SPATS2: variants seen among roughly 807,000 people sequenced by gnomAD.
SPATS2 encodes the protein spermatogenesis associated serine rich 2, also known as spermatogenesis-associated serine-rich protein 2.
SPATS2 carries 38 observed loss-of-function variants against 63.7 expected under a neutral mutation model. That is an observed-to-expected ratio of 0.60 (90% CI 0.46 to 0.78). The LOEUF is 0.78. Ranked by LOEUF, SPATS2 falls within the 30% of genes least tolerant of loss-of-function variation. The pLI is 0.00. For missense variants in SPATS2, 588 were observed against 666.2 expected, an observed-to-expected ratio of 0.88 and a Z score of 1.29; for synonymous variants, 207 against 232.9, an observed-to-expected ratio of 0.89 and a Z score of 1.01.
At chr12:49,460,009 G>A (rs1044308703) in intron 2 of SPATS2, among the ~76,000 whole-genome samples, 1 of 151,574 alleles carries the variant, frequency 6.6e-6, no homozygotes, top group Non-Finnish European at 1.5e-5. Flanking sequence ...TTGGGAGGCC[G>A]AGGCAGGAGA....
At chr12:49,472,702 A>G (rs140584522) in intron 3 of SPATS2, among the ~76,000 whole-genome samples, 63 of 150,332 alleles carry the variant, frequency 4.2e-4, no homozygotes, top group African/African-American at 1.5e-3. Context: ...AACCCTAATG[A>G]AATAACTGTA....
intron 2 of SPATS2, among the ~76,000 whole-genome samples, chr12:49,392,990 T>G (rs1944445511): frequency 6.6e-6 from 1 of 152,112 alleles, no homozygotes; most frequent in Admixed American, 6.6e-5. Context: ...GGGCGGAGGT[T>G]GTAGTGAGCA....
At chr12:49,465,765 G>A (rs534941094) in intron 3 of SPATS2, among the ~76,000 whole-genome samples, 13 of 152,246 alleles carry the variant, frequency 8.5e-5, no homozygotes, top group Middle Eastern at 6.8e-3. Flanking sequence ...CCAACCTGGC[G>A]AAACCCTGTC....
chr12:49,475,563 C>G lies in SPATS2; in HGVS notation c.26-9027C>G, dbSNP rs572378486. On this transcript the variant is annotated intron_variant, in intron 3 of 13. Transcript: ENST00000552918. Reference sequence around the variant, plus strand: ...TCAAGCAGTTCCCCTGCCTCAGCCTCCCGAGTAGCTGGGATTACAGGTGCA... The same window carrying G: ...TCAAGCAGTTCCCCTGCCTCAGCCTGCCGAGTAGCTGGGATTACAGGTGCA... Among the ~76,000 whole-genome samples the G allele has an allele frequency of 3.3e-5, 5 of 152,250 alleles. No individual in the cohort carries two copies. In the South Asian group the frequency reaches 8.3e-4, roughly 25 times the overall value.
At chr12:49,470,397 G>T (rs1029430997) in intron 3 of SPATS2, among the ~76,000 whole-genome samples, 2 of 152,110 alleles carry the variant, frequency 1.3e-5, no homozygotes, top group African/African-American at 4.8e-5. Context: ...GATAGTGCTA[G>T]AAATGTTTTG....
intron 10 of SPATS2, among the ~76,000 whole-genome samples, chr12:49,516,476 G>C (rs1946852785): frequency 6.6e-6 from 1 of 151,708 alleles, no homozygotes; most frequent in African/African-American, 2.4e-5. Context: ...GGGAGGCCGA[G>C]GCGGGCTGAT....
Position 49,460,961 on chromosome 12 carries a change from C to T in SPATS2, c.-52C>T. ...GAGATACCTACACTCAAAACCCAGA[C>T]AAGGCAAAAGGATACTTTTCTTGTA... is the stretch of plus-strand genomic sequence containing the variant. On this transcript the variant is annotated 5_prime_UTR_variant, in exon 3 of 14. Transcript: ENST00000552918. The T allele has an allele frequency of 1.9e-6, 3 of 1,608,898 alleles. No individual in the cohort carries two copies. The highest frequency in any genetic ancestry group is 2.6e-6 in the Non-Finnish European group (3 of 1,176,424).
In SPATS2 at chr12:49,524,736, C is replaced by A. The variant is rs57004311; in HGVS notation, c.1166C>A (p.Ser389Tyr). The A allele has an allele frequency of 1.2e-6, 2 of 1,614,066 alleles. No homozygotes were observed. The highest frequency in any genetic ancestry group is 1.3e-5 in the African/African-American group (1 of 74,916). ...AGATCCCGATGTAGCTCAGTTACATCTGTGTCCTTGAGTAGCCCAAGTGAT... is the reference window on the plus strand; with the variant it reads ...AGATCCCGATGTAGCTCAGTTACATATGTGTCCTTGAGTAGCCCAAGTGAT... ...STRSRCSSVTSVSLSSPSDAS... is the reference protein window; with the variant it reads ...STRSRCSSVTYVSLSSPSDAS... The change falls in exon 13 of 14, where the codon TCT (serine) becomes TAT (tyrosine). Residue 389 changes from serine to tyrosine, a missense_variant. Transcript: ENST00000552918.
rs1947033230 is a variant in SPATS2 at position 49,526,229 on chromosome 12, T to A, written c.1612T>A (p.Ser538Thr). The change falls in exon 14 of 14, where the codon TCT (serine) becomes ACT (threonine). Residue 538 changes from serine to threonine, a missense_variant. Coordinates refer to ENST00000552918, the MANE Select transcript of SPATS2 (RefSeq NM_023071.4). ...GCTCCCCCAGCGCAAACCCAGGACCTCTCAGACTGAAGCCGTGAACTCTTG... is the reference window on the plus strand; with the variant it reads ...GCTCCCCCAGCGCAAACCCAGGACCACTCAGACTGAAGCCGTGAACTCTTG... ...KGLPQRKPRT[S>T]QTEAVNS 3 of 1,612,592 alleles carry A rather than the reference T, an allele frequency of 1.9e-6. No homozygotes were observed. Among genetic ancestry groups the A allele is most frequent in the South Asian group, 1.1e-5 (1 of 90,908 alleles).
chr12:49,390,423 T>C (rs561546819), intron 2 of SPATS2, among the ~76,000 whole-genome samples: 1 of 152,358 alleles, frequency 6.6e-6, no homozygotes, highest in African/African-American at 2.4e-5. Context: ...ATAGAACTTT[T>C]GGCAGTGCTG....
Position 49,438,746 on chromosome 12 carries a change from A to G in SPATS2, c.-243-22024A>G, listed in dbSNP as rs1447577743. 2.0e-5 allele frequency among the ~76,000 whole-genome samples: 3 copies of G among 152,198 alleles called. No homozygotes were observed. The East Asian group carries it at 5.8e-4, about 29-fold the overall frequency. ...CACATTTAAGTGTATGGCTTAATGAATTATTTATTACCTTGTTATATAACC... is the reference window on the plus strand; with the variant it reads ...CACATTTAAGTGTATGGCTTAATGAGTTATTTATTACCTTGTTATATAACC... On this transcript the variant is annotated intron_variant, in intron 2 of 13. Coordinates refer to ENST00000552918, the MANE Select transcript of SPATS2 (RefSeq NM_023071.4).
intron 11 of SPATS2, among the ~76,000 whole-genome samples, chr12:49,520,040 C>T (rs547133728): frequency 1.3e-5 from 2 of 151,222 alleles, no homozygotes; most frequent in South Asian, 4.2e-4. Flanking sequence ...AGTGCAATAG[C>T]GCAATCTCAG....
At position 49,452,844 on chromosome 12, in the gene SPATS2, C is replaced by A. The variant is rs539743908; in HGVS notation, c.-243-7926C>A. 4.7e-4 allele frequency among the ~76,000 whole-genome samples: 72 copies of A among 151,868 alleles called. No homozygotes were observed. In the South Asian group the frequency reaches 0.012, roughly 26 times the overall value. ...TCTTTTTGTTTGAGGCATTGTTCTACTATTTTTTTTAGTCCTTTAAAGAAA... is the reference window on the plus strand; with the variant it reads ...TCTTTTTGTTTGAGGCATTGTTCTAATATTTTTTTTAGTCCTTTAAAGAAA... On this transcript the variant is annotated intron_variant, in intron 2 of 13. Coordinates refer to ENST00000552918, the MANE Select transcript of SPATS2 (RefSeq NM_023071.4).
chr12:49,437,317 C>G (rs1405877415), intron 2 of SPATS2, among the ~76,000 whole-genome samples: 1 of 151,106 alleles, frequency 6.6e-6, no homozygotes, highest in Admixed American at 6.6e-5. Flanking sequence ...GGATGGCGGC[C>G]GGGCAGAGAC....
chr12:49,433,846 GAA>G (rs1241004153), intron 2 of SPATS2, among the ~76,000 whole-genome samples: 4 of 152,138 alleles, frequency 2.6e-5, no homozygotes, highest in African/African-American at 9.7e-5. Flanking sequence ...TCATATCTAA[GAA>G]ATTGCCAAAT....
chr12:49,396,433 A>G (rs374333115), intron 2 of SPATS2, among the ~76,000 whole-genome samples: 1 of 152,146 alleles, frequency 6.6e-6, no homozygotes, highest in African/African-American at 2.4e-5. Flanking sequence ...CTGTCTGTGT[A>G]TGTGTGTGTA....
chr12:49,392,259 A>G (rs1258622170), intron 2 of SPATS2, among the ~76,000 whole-genome samples: 1 of 151,296 alleles, frequency 6.6e-6, no homozygotes. Flanking sequence ...GGTTGTTGTT[A>G]AACAGAACCT....
At chr12:49,408,215 C>T (rs187786890) in intron 2 of SPATS2, among the ~76,000 whole-genome samples, 124 of 151,194 alleles carry the variant, frequency 8.2e-4, no homozygotes, top group African/African-American at 2.8e-3. Context: ...GCCCGCTTTT[C>T]GAAGGCCACA....
In SPATS2 at chr12:49,494,898, C is replaced by T. The variant is rs1175450761; in HGVS notation, c.422C>T (p.Thr141Ile). The T allele has an allele frequency of 1.9e-6, 3 of 1,614,046 alleles. No homozygotes were observed. The highest frequency in any genetic ancestry group is 1.7e-6 in the Non-Finnish European group (2 of 1,180,026). ...CATGTCAATGGTGCCATCAATGACA[C>T]TGAGTCTGTGGACTCACTCAGTGAA... ...GYHVNGAIND[T>I]ESVDSLSEGL... Residue 141 changes from threonine (T) to isoleucine (I), a missense_variant, in exon 7 of 14, where the codon ACT (threonine) becomes ATT (isoleucine). Thr to Ile is a moderately conservative substitution (Grantham distance 89, BLOSUM62 -1). Coordinates refer to ENST00000552918, the MANE Select transcript of SPATS2 (RefSeq NM_023071.4).
Sources: gnomAD v4.1 joint callset for allele counts (sites outside exome capture counted in the v4.1 genomes callset) on GRCh38, gnomAD v4.1.1 for gene constraint, MANE v1.5 for transcripts, NCBI Gene and HGNC (gene_info 2026-07-23, HGNC 2026-07-21) for gene names.